Variants in MARCHF8 observed in about 807,000 individuals in gnomAD.
MARCHF8 encodes the protein membrane associated ring-CH-type finger 8.
In MARCHF8, 40 loss-of-function variants were observed where a neutral mutation model predicts 51.6. The ratio of observed to expected loss-of-function variants is 0.77; its 90% CI spans 0.60 to 1.01. The LOEUF (loss-of-function observed/expected upper bound fraction) is 1.01. MARCHF8 is among the 50% of genes least tolerant of loss of function. The probability of loss-of-function intolerance (pLI) is 0.00; values close to 1 mark genes in which losing one functional copy is unlikely to be tolerated. For synonymous variants in MARCHF8, 263 were observed against 280.3 expected, an observed-to-expected ratio of 0.94 and a Z score of 0.62; for missense variants, 685 against 708.6, an observed-to-expected ratio of 0.97 and a Z score of 0.38.
At chr10:45,543,441 T>G (rs1348879590) in intron 1 of MARCHF8, among the ~76,000 whole-genome samples, 2 of 152,140 alleles carry the variant, frequency 1.3e-5, no homozygotes, top group African/African-American at 4.8e-5. Context: ...AAGATACCAT[T>G]AATAAAACTC....
rs1842627170 is a variant in MARCHF8 at position 45,457,039 on chromosome 10, C to A, written c.*1200G>T. The stretch of plus-strand genomic sequence containing the variant: ...CCTCGTCCCAGAGCCAGCCCACCTG[C>A]CTCTTGGCCCTGGTAGTGACTCCAC... On this transcript the variant is annotated 3_prime_UTR_variant, in exon 8 of 8. Coordinates refer to ENST00000453424, the MANE Select transcript of MARCHF8 (RefSeq NM_001282866.2). 1 of 152,280 alleles carries A rather than the reference C, an allele frequency of 6.6e-6. No homozygotes were observed. 9.4% of individuals were successfully genotyped at this position (152,280 alleles called of 1,614,324 possible).
intron 3 of MARCHF8, among the ~76,000 whole-genome samples, chr10:45,487,740 TAAG>T (rs1309480697): frequency 6.6e-6 from 1 of 152,286 alleles, no homozygotes; most frequent in Middle Eastern, 3.4e-3. Context: ...ACAAATGTCT[TAAG>T]AAGGTTTGCC....
intron 1 of MARCHF8, among the ~76,000 whole-genome samples, chr10:45,558,064 T>A (rs561127710): frequency 6.6e-6 from 1 of 152,356 alleles, no homozygotes; most frequent in South Asian, 2.1e-4. Flanking sequence ...GTTCTAATTA[T>A]CTTTGGTAAT....
intron 2 of MARCHF8, among the ~76,000 whole-genome samples, chr10:45,512,699 C>T (rs1473619131): frequency 3.3e-5 from 5 of 152,050 alleles, no homozygotes; most frequent in African/African-American, 7.3e-5. Context: ...CCCCTCTGCC[C>T]GGCCACCACC....
chr10:45,522,205 G>C (rs573561560), intron 2 of MARCHF8, among the ~76,000 whole-genome samples: 2 of 152,196 alleles, frequency 1.3e-5, no homozygotes, highest in Admixed American at 6.5e-5. Context: ...TCAAAGTTTT[G>C]TTGGTAAAAG....
At chr10:45,574,514 T>G (rs1380465057) in intron 1 of MARCHF8, among the ~76,000 whole-genome samples, 1 of 152,184 alleles carries the variant, frequency 6.6e-6, no homozygotes, top group Non-Finnish European at 1.5e-5. Flanking sequence ...CGCTTTCACT[T>G]GGACTGACCC....
intron 3 of MARCHF8, among the ~76,000 whole-genome samples, chr10:45,480,904 G>GT (rs2042873775): frequency 6.6e-6 from 1 of 152,190 alleles, no homozygotes; most frequent in African/African-American, 2.4e-5. Context: ...CCAGAATGGT[G>GT]TATCTACTAA....
intron 1 of MARCHF8, among the ~76,000 whole-genome samples, chr10:45,589,640 C>T (rs1387617463): frequency 6.6e-6 from 1 of 152,150 alleles, no homozygotes; most frequent in African/African-American, 2.4e-5. Flanking sequence ...GTATTCTGGA[C>T]ATTCCATATA....
chr10:45,574,830 C>T (rs888366408), intron 1 of MARCHF8, among the ~76,000 whole-genome samples: 4 of 152,100 alleles, frequency 2.6e-5, no homozygotes, highest in African/African-American at 9.7e-5. Flanking sequence ...ATACTTTCTG[C>T]CCACCCCACT....
At chr10:45,536,452 A>C (rs2043971202), upstream of MARCHF8, among the ~76,000 whole-genome samples, 1 of 152,112 alleles carries the variant, frequency 6.6e-6, no homozygotes, top group African/African-American at 2.4e-5. Flanking sequence ...CCACTGAGAA[A>C]GGGAAAACAC....
At chr10:45,548,458 C>A (rs2044154158) in intron 1 of MARCHF8, among the ~76,000 whole-genome samples, 1 of 152,070 alleles carries the variant, frequency 6.6e-6, no homozygotes, top group Non-Finnish European at 1.5e-5. Context: ...ATTAGGTAAA[C>A]CAGGTGCAAT....
chr10:45,463,722 C>T lies in MARCHF8; in HGVS notation c.517G>A (p.Ala173Thr). 1 of 1,551,136 alleles carries T rather than the reference C, an allele frequency of 6.4e-7. No homozygotes were observed. The highest frequency in any genetic ancestry group is 8.7e-7 in the Non-Finnish European group (1 of 1,147,110). The stretch of plus-strand genomic sequence containing the variant: ...TCAGAACAAGTTCTTTCCACATAGG[C>T]AAAACTTTCTGAAGTATCCTGCGCC... ...EKAQDTSESF[A>T]YVERTCSEGK... is the part of the protein sequence containing the mutation. Residue 173 changes from alanine to threonine, a missense_variant, in exon 5 of 8, where the codon GCC becomes ACC. Transcript: ENST00000453424.
chr10:45,497,612 T>A (rs2043196789), intron 2 of MARCHF8, among the ~76,000 whole-genome samples: 1 of 152,198 alleles, frequency 6.6e-6, no homozygotes, highest in Admixed American at 6.5e-5. Context: ...TAAATGTTAT[T>A]GTTTATCAAC....
intron 2 of MARCHF8, among the ~76,000 whole-genome samples, chr10:45,527,582 C>A (rs1341681743): frequency 2.0e-5 from 3 of 151,972 alleles, no homozygotes; most frequent in Non-Finnish European, 2.9e-5. Context: ...CCTGAAGAGA[C>A]CAATAACCAG....
At chr10:45,507,538 C>T (rs1410700325) in intron 2 of MARCHF8, among the ~76,000 whole-genome samples, 1 of 152,120 alleles carries the variant, frequency 6.6e-6, no homozygotes, top group Non-Finnish European at 1.5e-5. Flanking sequence ...AGGTGTCAGG[C>T]TCTTCTTAAT....
At chr10:45,491,669 C>G (rs911228276) in intron 2 of MARCHF8, among the ~76,000 whole-genome samples, 1 of 152,234 alleles carries the variant, frequency 6.6e-6, no homozygotes, top group Non-Finnish European at 1.5e-5. Flanking sequence ...ATTCATTAGT[C>G]AAGAATGTAC....
In MARCHF8 at chr10:45,542,001, T is replaced by TC. The variant is rs1281952714; in HGVS notation, c.-78-8713_-78-8712insG. 2.0e-5 allele frequency among the ~76,000 whole-genome samples: 3 copies of TC among 152,140 alleles called. No homozygotes were observed. The East Asian group carries it at 5.8e-4, about 29-fold the overall frequency. ...ATTCAGAAAACTACCAAAATTAAAA[T>TC]TTTTTAAAAACCACTCTACCCTTTC... On this transcript the variant is annotated intron_variant, in intron 1 of 6. Coordinates refer to the MARCHF8 transcript ENST00000319836.
chr10:45,500,412 C>T (rs918290260), intron 2 of MARCHF8, among the ~76,000 whole-genome samples: 18 of 152,026 alleles, frequency 1.2e-4, no homozygotes, highest in Non-Finnish European at 2.6e-4. Flanking sequence ...AATTTTGATG[C>T]TTTTTACCTC....
Position 45,592,884 on chromosome 10 carries a change from C to T in MARCHF8, c.-79+1351G>A, listed in dbSNP as rs577899263. 8.5e-5 allele frequency among the ~76,000 whole-genome samples: 13 copies of T among 152,130 alleles called. No homozygotes were observed. The East Asian group carries it at 1.2e-3, about 14-fold the overall frequency. Reference sequence around the variant, plus strand: ...TTTTTTTAGTACAAGTATGCTCCCACGTAATATTTATAGTAAAAATTTATT... The same window carrying T: ...TTTTTTTAGTACAAGTATGCTCCCATGTAATATTTATAGTAAAAATTTATT... On this transcript the variant is annotated intron_variant, in intron 1 of 6. Transcript: ENST00000319836.
Sources: gnomAD v4.1 joint callset for allele counts (sites outside exome capture counted in the v4.1 genomes callset) on GRCh38, gnomAD v4.1.1 for gene constraint, MANE v1.5 for transcripts, NCBI Gene and HGNC (gene_info 2026-07-23, HGNC 2026-07-21) for gene names.